The following SETBP1 variants were observed in gnomAD, a reference collection of about 807,000 sequenced individuals.
SETBP1 encodes SET binding protein 1, also known as SET-binding protein.
Under a neutral mutation model 101.0 loss-of-function variants are expected in SETBP1, and 9 were observed. That is an observed-to-expected ratio of 0.09 (90% confidence interval 0.05 to 0.16). SETBP1 has a LOEUF of 0.16. Ranked by LOEUF, SETBP1 falls within the 10% of genes least tolerant of loss-of-function variation. The pLI is 1.00. For synonymous variants in SETBP1, 818 were observed against 788.5 expected, an observed-to-expected ratio of 1.04 and a Z score of -0.63; for missense variants, 1,858 against 2,033.8, an observed-to-expected ratio of 0.91 and a Z score of 1.66.
intron 2 of SETBP1, among the ~76,000 whole-genome samples, chr18:44,857,397 G>A (rs913607706): frequency 2.6e-5 from 4 of 152,192 alleles, no homozygotes; most frequent in African/African-American, 9.7e-5. Flanking sequence ...CAGTTTCAAA[G>A]GCTGTCAGAT....
At chr18:45,003,685 G>T (rs62090482) in intron 4 of SETBP1, among the ~76,000 whole-genome samples, 1 of 121,854 alleles carries the variant, frequency 8.2e-6, no homozygotes, top group African/African-American at 3.0e-5. Flanking sequence ...GTAATGTCAT[G>T]GGAAAAAAAA....
At chr18:44,800,724 G>A (rs1231642134) in intron 2 of SETBP1, among the ~76,000 whole-genome samples, 1 of 152,148 alleles carries the variant, frequency 6.6e-6, no homozygotes, top group Non-Finnish European at 1.5e-5. Flanking sequence ...GAGAAACAGT[G>A]GGAAATGAGA....
intron 1 of SETBP1, among the ~76,000 whole-genome samples, chr18:44,688,374 C>T (rs1471082268): frequency 1.3e-5 from 2 of 152,076 alleles, no homozygotes. Context: ...GTGGGAGCAC[C>T]AATGTGCTTG....
chr18:44,922,553 C>G (rs544432391), intron 3 of SETBP1, among the ~76,000 whole-genome samples: 2 of 152,218 alleles, frequency 1.3e-5, no homozygotes, highest in Non-Finnish European at 2.9e-5. Context: ...GAGTAATTAT[C>G]TCCTGCTTCC....
chr18:45,056,454 G>T (rs1341779316), intron 5 of SETBP1, among the ~76,000 whole-genome samples: 1 of 152,152 alleles, frequency 6.6e-6, no homozygotes, highest in Non-Finnish European at 1.5e-5. Context: ...GTAAGGGCAT[G>T]GCTGGAGTTC....
intron 5 of SETBP1, among the ~76,000 whole-genome samples, chr18:45,060,407 A>T (rs1157251965): frequency 2.6e-5 from 4 of 152,174 alleles, no homozygotes; most frequent in Admixed American, 2.0e-4. Context: ...TACTAGGTAG[A>T]TTCAGATTTT....
At chr18:44,818,970 A>ATGTGTGTGTGTGTGTG (rs34458305) in intron 2 of SETBP1, among the ~76,000 whole-genome samples, 2 of 148,394 alleles carry the variant, frequency 1.3e-5, no homozygotes, top group African/African-American at 4.9e-5. Flanking sequence ...ATTTCACTGA[A>ATGTGTGTGTGTGTGTG]TGTGTGTGTG....
At chr18:45,008,806 T>C (rs1311677797) in intron 4 of SETBP1, among the ~76,000 whole-genome samples, 1 of 152,232 alleles carries the variant, frequency 6.6e-6, no homozygotes, top group Admixed American at 6.5e-5. Context: ...TGGTTAGCAC[T>C]GAGCCAGCCA....
Position 44,952,828 on chromosome 18 carries a change from T to A in SETBP1, c.3488T>A (p.Ile1163Asn). ...AAGCATAAGCACAAGGAAGACCGGA[T>A]CCTAGGGACCCATGACAACCTGAGT... Reference protein sequence around the residue: ...KHKHKHKEDRILGTHDNLSGL... With the variant: ...KHKHKHKEDRNLGTHDNLSGL... The change falls in exon 4 of 6, where the codon ATC becomes AAC. Residue 1163 changes from isoleucine (I) to asparagine (N), a missense_variant. By Grantham distance (149) the Ile-to-Asn change is moderately radical. Transcript: ENST00000649279. The A allele has an allele frequency of 1.9e-6, 3 of 1,613,960 alleles. No individual in the cohort carries two copies. Among genetic ancestry groups the A allele is most frequent in the Non-Finnish European group, 2.5e-6 (3 of 1,180,006 alleles).
At chr18:44,765,267 A>AG in intron 2 of SETBP1, among the ~76,000 whole-genome samples, 1 of 152,126 alleles carries the variant, frequency 6.6e-6, no homozygotes, top group East Asian at 1.9e-4. Context: ...TAGGAAAAAA[A>AG]AAAAGCAGAT....
At chr18:44,995,539 G>T (rs1179467712) in intron 4 of SETBP1, among the ~76,000 whole-genome samples, 42 of 148,768 alleles carry the variant, frequency 2.8e-4, no homozygotes, top group African/African-American at 9.6e-4. Flanking sequence ...TTGTGTGTGT[G>T]TGTGTGTGTG....
intron 2 of SETBP1, among the ~76,000 whole-genome samples, chr18:44,755,215 A>T (rs540255459): frequency 6.6e-6 from 1 of 152,384 alleles, no homozygotes; most frequent in Non-Finnish European, 1.5e-5. Flanking sequence ...TGATTAAAAA[A>T]GTTTTACAGA....
intron 2 of SETBP1, among the ~76,000 whole-genome samples, chr18:44,863,374 C>T (rs1194359378): frequency 6.6e-6 from 1 of 152,194 alleles, no homozygotes; most frequent in Non-Finnish European, 1.5e-5. Flanking sequence ...TCTTTCTGTG[C>T]CTCAGTTGCC....
intron 4 of SETBP1, among the ~76,000 whole-genome samples, chr18:45,022,388 T>C (rs954087907): frequency 2.6e-5 from 4 of 152,170 alleles, no homozygotes; most frequent in Non-Finnish European, 5.9e-5. Context: ...AAGTCTTTCA[T>C]CTCCTTTCAG....
At chr18:44,920,840 C>T (rs1454308167) in intron 3 of SETBP1, among the ~76,000 whole-genome samples, 2 of 150,180 alleles carry the variant, frequency 1.3e-5, no homozygotes, top group Admixed American at 1.3e-4. Flanking sequence ...AAACTAGCTA[C>T]TGGCATCGGC....
At chr18:44,762,138 C>CTTTTTT (rs55990761) in intron 2 of SETBP1, among the ~76,000 whole-genome samples, 2 of 149,216 alleles carry the variant, frequency 1.3e-5, no homozygotes. Flanking sequence ...CTTCTAAACA[C>CTTTTTT]TTTTTTTTTT....
At chr18:44,935,014 G>A (rs555526717) in intron 3 of SETBP1, among the ~76,000 whole-genome samples, 2 of 152,324 alleles carry the variant, frequency 1.3e-5, no homozygotes, top group Admixed American at 6.5e-5. Context: ...GCATTGTGAT[G>A]GGAAGCCATC....
intron 2 of SETBP1, among the ~76,000 whole-genome samples, chr18:44,846,796 A>G (rs1045827520): frequency 6.6e-6 from 1 of 152,194 alleles, no homozygotes; most frequent in Non-Finnish European, 1.5e-5. Flanking sequence ...TTCTTCAATA[A>G]CTGTTCCACC....
intron 1 of SETBP1, among the ~76,000 whole-genome samples, chr18:44,692,531 C>A (rs2068951367): frequency 6.6e-6 from 1 of 152,162 alleles, no homozygotes; most frequent in Middle Eastern, 3.2e-3. Context: ...TGCAGAGACT[C>A]ATTTAAAATA....
Sources: gnomAD v4.1 joint callset for allele counts (sites outside exome capture counted in the v4.1 genomes callset) on GRCh38, gnomAD v4.1.1 for gene constraint, MANE v1.5 for transcripts, NCBI Gene and HGNC (gene_info 2026-07-23, HGNC 2026-07-21) for gene names.